The following AGTPBP1 variants were observed in gnomAD, a reference collection of about 807,000 sequenced individuals.
The protein encoded by AGTPBP1 is cytosolic carboxypeptidase 1.
In AGTPBP1, 70 loss-of-function variants were observed where a neutral mutation model predicts 143.9. The observed-to-expected ratio is 0.49, with a 90% CI of 0.40 to 0.59. The LOEUF (loss-of-function observed/expected upper bound fraction) is 0.59. Among genes scored for constraint, AGTPBP1 ranks in the 20% least tolerant of loss-of-function variants. AGTPBP1 has a pLI of 0.00. For synonymous variants in AGTPBP1, 463 were observed against 500.2 expected (o/e 0.93, Z 0.99); for missense variants, 1,229 against 1,464.5 (o/e 0.84, Z 2.62).
In AGTPBP1 at chr9:85,566,529, C is replaced by CAAAAAAA. The variant is rs72129899; in HGVS notation, c.3503+8779_3503+8785dup. On this transcript the variant is annotated intron_variant, in intron 25 of 25. Coordinates refer to ENST00000357081, the MANE Select transcript of AGTPBP1 (RefSeq NM_001330701.2). The stretch of plus-strand genomic sequence containing the variant: ...TGGGCAACAGATCAAGACCATGTCT[C>CAAAAAAA]AAAAAAAAAAAAAAAAAAAAGGCTG... Among the ~76,000 whole-genome samples the CAAAAAAA allele has an allele frequency of 3.6e-3, 286 of 78,512 alleles. 20 individuals carry two copies. Among genetic ancestry groups the CAAAAAAA allele is most frequent in the African/African-American group, 0.015 (262 of 17,252 alleles). The allele number at this position is 78,512 out of a possible 152,430, so 51.5% of individuals were successfully genotyped here.
In AGTPBP1 at chr9:85,718,978, C is replaced by T. The variant is rs530026685; in HGVS notation, c.-33-6412G>A. The stretch of plus-strand genomic sequence containing the variant: ...AGGTTTGTCAAAGATCAGATGGTTG[C>T]AGATGTATGGTGTTATATCTGAGGC... On this transcript the variant is annotated intron_variant, in intron 1 of 25. Coordinates refer to ENST00000357081, the MANE Select transcript of AGTPBP1 (RefSeq NM_001330701.2). 2.8e-4 allele frequency among the ~76,000 whole-genome samples: 42 copies of T among 152,096 alleles called. No individual in the cohort carries two copies. The South Asian group carries it at 8.3e-3, about 30-fold the overall frequency.
intron 17 of AGTPBP1, among the ~76,000 whole-genome samples, chr9:85,596,657 G>C (rs933877685): frequency 6.6e-6 from 1 of 151,950 alleles, no homozygotes; most frequent in African/African-American, 2.4e-5. Context: ...TTTAATACAG[G>C]ATTACAACTT....
chr9:85,738,554 C>A (rs1354207998), intron 1 of AGTPBP1, among the ~76,000 whole-genome samples: 3 of 152,084 alleles, frequency 2.0e-5, no homozygotes, highest in Non-Finnish European at 4.4e-5. Context: ...GATAGCGGCA[C>A]ATTATAGTCA....
upstream of AGTPBP1, chr9:85,742,111 C>G (rs1824367004): frequency 8.1e-6 from 8 of 990,654 alleles, no homozygotes; most frequent in South Asian, 5.0e-5. Context: ...CTTGTTACCT[C>G]CGTGCGCGCT....
chr9:85,688,591 A>G (rs535184135), intron 3 of AGTPBP1, among the ~76,000 whole-genome samples: 52 of 152,346 alleles, frequency 3.4e-4, no homozygotes, highest in African/African-American at 1.2e-3. Context: ...AACTAAAAGG[A>G]TTATAAGGAA....
At chr9:85,610,203 A>G (rs1587731889) in intron 17 of AGTPBP1, among the ~76,000 whole-genome samples, 1 of 152,204 alleles carries the variant, frequency 6.6e-6, no homozygotes, top group South Asian at 2.1e-4. Flanking sequence ...AGAAACAAAG[A>G]TGGAGAGAAA....
the AGTPBP1 span, among the ~76,000 whole-genome samples, chr9:85,770,982 G>A: frequency 6.6e-6 from 1 of 152,066 alleles, no homozygotes; most frequent in African/African-American, 2.4e-5. Flanking sequence ...ACCTGAATGT[G>A]CTTAAATCAA....
chr9:85,774,374 G>A, the AGTPBP1 span, among the ~76,000 whole-genome samples: 1 of 152,060 alleles, frequency 6.6e-6, no homozygotes, highest in Non-Finnish European at 1.5e-5. Context: ...TTATTTCCCA[G>A]GGATATAATA....
intron 17 of AGTPBP1, 121 bp downstream of exon 17, chr9:85,618,862 G>T: frequency 1.9e-6 from 2 of 1,073,650 alleles, no homozygotes; most frequent in Non-Finnish European, 2.6e-6. Context: ...TGAATTTTGA[G>T]AACTAGAGAA....
At chr9:85,755,719 C>T in the AGTPBP1 span, among the ~76,000 whole-genome samples, 1 of 152,144 alleles carries the variant, frequency 6.6e-6, no homozygotes, top group Non-Finnish European at 1.5e-5. Context: ...CGTAGGGCAG[C>T]CACCAGTGTA....
chr9:85,757,423 G>A, the AGTPBP1 span, among the ~76,000 whole-genome samples: 1 of 152,038 alleles, frequency 6.6e-6, no homozygotes, highest in East Asian at 1.9e-4. Flanking sequence ...TCTCATTAAA[G>A]CTATTATGTT....
At chr9:85,698,679 C>CTTT (rs34248388) in intron 2 of AGTPBP1, among the ~76,000 whole-genome samples, 1,214 of 76,608 alleles carry the variant, frequency 0.016, 94 homozygotes, top group Middle Eastern at 0.06. Context: ...CCACCTAACC[C>CTTT]TTTTTTTTTT....
the AGTPBP1 span, among the ~76,000 whole-genome samples, chr9:85,805,144 C>T: frequency 2.0e-5 from 3 of 152,212 alleles, no homozygotes; most frequent in Non-Finnish European, 4.4e-5. Context: ...CTTTCTCCAG[C>T]AGGTGGTTCT....
At chr9:85,761,552 G>A in the AGTPBP1 span, among the ~76,000 whole-genome samples, 105 of 152,298 alleles carry the variant, frequency 6.9e-4, no homozygotes, top group Non-Finnish European at 1.1e-3. Flanking sequence ...AAATGGTGCT[G>A]GGAAAACTGG....
intron 11 of AGTPBP1, among the ~76,000 whole-genome samples, chr9:85,652,216 A>C (rs1409060748): frequency 6.6e-6 from 1 of 152,138 alleles, no homozygotes; most frequent in Non-Finnish European, 1.5e-5. Context: ...ATGGTATAAA[A>C]GCTCAGAGTT....
chr9:85,585,383 G>C, intron 23 of AGTPBP1, 80 bp downstream of exon 23: 1 of 1,268,214 alleles, frequency 7.9e-7, no homozygotes, highest in Non-Finnish European at 1.0e-6. Context: ...TATTGAATGT[G>C]AGTAGTTCAT....
intron 14 of AGTPBP1, among the ~76,000 whole-genome samples, chr9:85,625,904 GTTTTTTTTT>G (rs368474275): frequency 9.5e-6 from 1 of 105,720 alleles, no homozygotes; most frequent in Non-Finnish European, 1.8e-5. Context: ...ACCTAGTTTT[GTTTTTTTTT>G]TTTTTTTTTT....
intron 13 of AGTPBP1, among the ~76,000 whole-genome samples, chr9:85,634,001 G>A (rs1325441299): frequency 1.3e-5 from 2 of 151,670 alleles, no homozygotes; most frequent in Admixed American, 1.3e-4. Flanking sequence ...AGACCAGCCT[G>A]GCCAACATGG....
intron 25 of AGTPBP1, among the ~76,000 whole-genome samples, chr9:85,560,881 A>C (rs1826668110): frequency 6.6e-6 from 1 of 152,192 alleles, no homozygotes; most frequent in Non-Finnish European, 1.5e-5. Context: ...GGAGTCCCAG[A>C]AGGAGAGATA....
Sources: gnomAD v4.1 joint callset for allele counts (sites outside exome capture counted in the v4.1 genomes callset) on GRCh38, gnomAD v4.1.1 for gene constraint, MANE v1.5 for transcripts, NCBI Gene and HGNC (gene_info 2026-07-23, HGNC 2026-07-21) for gene names.